KCTD1: variants seen among roughly 807,000 people sequenced by gnomAD.
KCTD1 encodes the protein potassium channel tetramerization domain containing 1.
Under a neutral mutation model 66.0 loss-of-function variants are expected in KCTD1, and 24 were observed. The ratio of observed to expected loss-of-function variants is 0.36; its 90% CI spans 0.26 to 0.51. The LOEUF is 0.51. Among genes scored for constraint, KCTD1 ranks in the 20% least tolerant of loss-of-function variants. The probability of loss-of-function intolerance (pLI) is 0.95; values close to 1 mark genes in which losing one functional copy is unlikely to be tolerated. For missense variants in KCTD1, 943 were observed against 1,205.2 expected, an observed-to-expected ratio of 0.78 and a Z score of 3.22; for synonymous variants, 511 against 517.2, an observed-to-expected ratio of 0.99 and a Z score of 0.16.
At chr18:26,656,057 G>T (rs1223457517) in intron 1 of KCTD1, among the ~76,000 whole-genome samples, 1 of 151,936 alleles carries the variant, frequency 6.6e-6, no homozygotes, top group Non-Finnish European at 1.5e-5. Flanking sequence ...GGCGGCAGTT[G>T]GGGGGGCGGA....
chr18:26,540,926 G>A (rs866873931), intron 1 of KCTD1, among the ~76,000 whole-genome samples: 8 of 152,318 alleles, frequency 5.3e-5, no homozygotes, highest in Middle Eastern at 6.8e-3. Flanking sequence ...AATTCAGGGT[G>A]TGAATGAGTC....
intron 1 of KCTD1, among the ~76,000 whole-genome samples, chr18:26,527,509 A>C (rs1598919011): frequency 1.5e-5 from 2 of 135,422 alleles, no homozygotes; most frequent in South Asian, 2.7e-4. Context: ...GGGGCGTGGG[A>C]GGGATGACGA....
At chr18:26,499,364 C>T (rs1212916757) in intron 2 of KCTD1, among the ~76,000 whole-genome samples, 1 of 152,044 alleles carries the variant, frequency 6.6e-6, no homozygotes, top group Non-Finnish European at 1.5e-5. Context: ...AAAAATAAAG[C>T]CATTATTATA....
At chr18:26,572,685 C>A (rs1396124973) in intron 1 of KCTD1, among the ~76,000 whole-genome samples, 2 of 152,224 alleles carry the variant, frequency 1.3e-5, no homozygotes, top group East Asian at 3.8e-4. Context: ...GCCACTTGTG[C>A]TGCCAAACAT....
chr18:26,533,273 T>C (rs955590598), intron 1 of KCTD1, among the ~76,000 whole-genome samples: 1 of 152,250 alleles, frequency 6.6e-6, no homozygotes, highest in Non-Finnish European at 1.5e-5. Context: ...GCTGACTTTA[T>C]TTCTAAACAA....
chr18:26,573,829 T>C (rs977738965), intron 1 of KCTD1, among the ~76,000 whole-genome samples: 4 of 152,268 alleles, frequency 2.6e-5, no homozygotes, highest in Admixed American at 6.5e-5. Flanking sequence ...TAGATAATTC[T>C]AAGCAGATTT....
chr18:26,571,348 C>T (rs1986101513), intron 1 of KCTD1, among the ~76,000 whole-genome samples: 1 of 152,130 alleles, frequency 6.6e-6, no homozygotes, highest in Non-Finnish European at 1.5e-5. Flanking sequence ...AAGAACACTT[C>T]ATATTGCAAT....
At chr18:26,499,920 T>G (rs1004968374) in intron 2 of KCTD1, among the ~76,000 whole-genome samples, 5 of 152,180 alleles carry the variant, frequency 3.3e-5, no homozygotes, top group Non-Finnish European at 5.9e-5. Context: ...CCCCCAAATC[T>G]GGGGCAGAGC....
intron 1 of KCTD1, among the ~76,000 whole-genome samples, chr18:26,538,490 G>C (rs1984816460): frequency 6.6e-6 from 1 of 152,086 alleles, no homozygotes; most frequent in Admixed American, 6.6e-5. Context: ...ACCTGCAAAA[G>C]TGCTACTGGC....
intron 1 of KCTD1, among the ~76,000 whole-genome samples, chr18:26,536,119 A>G (rs766159271): frequency 6.6e-6 from 1 of 152,198 alleles, no homozygotes; most frequent in Non-Finnish European, 1.5e-5. Flanking sequence ...ACTATCTACA[A>G]GTACCTTAGT....
intron 1 of KCTD1, among the ~76,000 whole-genome samples, chr18:26,590,055 C>T (rs1986562875): frequency 6.6e-6 from 1 of 152,234 alleles, no homozygotes; most frequent in Non-Finnish European, 1.5e-5. Context: ...TATCTCTGTA[C>T]TTCATAAGTG....
At chr18:26,483,800 G>A (rs1052959793) in intron 2 of KCTD1, among the ~76,000 whole-genome samples, 26 of 151,226 alleles carry the variant, frequency 1.7e-4, no homozygotes, top group African/African-American at 6.3e-4. Flanking sequence ...AGCTGACACC[G>A]CACGTGCAAC....
At chr18:26,590,696 T>C (rs1049439277) in intron 1 of KCTD1, among the ~76,000 whole-genome samples, 7 of 152,140 alleles carry the variant, frequency 4.6e-5, no homozygotes, top group Non-Finnish European at 7.4e-5. Context: ...ATTCACTTAT[T>C]TAGGCTATTG....
upstream of KCTD1, among the ~76,000 whole-genome samples, chr18:26,640,970 A>T (rs1987821857): frequency 6.6e-6 from 1 of 152,130 alleles, no homozygotes; most frequent in Non-Finnish European, 1.5e-5. Flanking sequence ...AAGATCCCAG[A>T]AGCAGGGTGG....
At chr18:26,616,941 G>A (rs959006385) in intron 1 of KCTD1, among the ~76,000 whole-genome samples, 22 of 152,308 alleles carry the variant, frequency 1.4e-4, no homozygotes, top group Admixed American at 1.1e-3. Flanking sequence ...TCCATCAATA[G>A]TTTTACATAT....
chr18:26,643,702 C>CCTGT (rs1397252691), upstream of KCTD1, among the ~76,000 whole-genome samples: 4 of 152,360 alleles, frequency 2.6e-5, no homozygotes, highest in African/African-American at 9.6e-5. Context: ...GTGGCTCACG[C>CCTGT]CTGTAATCCC....
intron 4 of KCTD1, chr18:26,457,466 G>C (rs1191683442): frequency 2.0e-5 from 3 of 152,250 alleles, no homozygotes; most frequent in Non-Finnish European, 4.4e-5. Context: ...GAAATCCAAA[G>C]GGGAGGAAGC....
intron 2 of KCTD1, among the ~76,000 whole-genome samples, chr18:26,479,534 G>A (rs556762083): frequency 1.3e-5 from 2 of 152,258 alleles, no homozygotes; most frequent in Admixed American, 1.3e-4. Flanking sequence ...AGCAGAGCAG[G>A]CAAGGGGTGT....
intron 1 of KCTD1, among the ~76,000 whole-genome samples, chr18:26,654,634 G>A (rs1248730621): frequency 2.6e-5 from 4 of 152,250 alleles, no homozygotes; most frequent in South Asian, 2.1e-4. Flanking sequence ...ATACTGTGGT[G>A]GGAGATTTTT....
Sources: allele counts gnomAD v4.1 joint callset (sites outside exome capture counted in the v4.1 genomes callset), GRCh38; gene constraint gnomAD v4.1.1; transcripts MANE v1.5; gene names NCBI Gene and HGNC (gene_info 2026-07-23, HGNC 2026-07-21).